The following STAM variants were observed in gnomAD, a reference collection of about 807,000 sequenced individuals.
The protein encoded by STAM is signal transducing adaptor molecule.
A neutral mutation model predicts 63.4 loss-of-function variants in STAM; 16 were observed. The ratio of observed to expected loss-of-function variants is 0.25; its 90% CI spans 0.17 to 0.38. STAM has a LOEUF of 0.38. Among genes scored for constraint, STAM ranks in the 10% least tolerant of loss-of-function variants. The pLI is 1.00. For missense variants in STAM, 636 were observed against 657.1 expected (o/e 0.97, Z 0.35); for synonymous variants, 238 against 223.9 (o/e 1.06, Z -0.56).
At chr10:17,682,890 C>T (rs1554825554) in intron 2 of STAM, among the ~76,000 whole-genome samples, 1 of 152,026 alleles carries the variant, frequency 6.6e-6, no homozygotes, top group East Asian at 1.9e-4. Flanking sequence ...ATCGATGTTT[C>T]CTTTATATAT....
intron 4 of STAM, among the ~76,000 whole-genome samples, chr10:17,687,619 G>A (rs1554826255): frequency 6.6e-6 from 1 of 152,180 alleles, no homozygotes; most frequent in African/African-American, 2.4e-5. Context: ...AAGCATCATG[G>A]AAAAAATGCA....
chr10:17,658,249 T>C (rs913303751), intron 1 of STAM, among the ~76,000 whole-genome samples: 5 of 151,576 alleles, frequency 3.3e-5, no homozygotes, highest in African/African-American at 4.9e-5. Flanking sequence ...TACTTTGGGA[T>C]TTTCCAGCTA....
chr10:17,650,384 A>C (rs554542578), intron 1 of STAM, among the ~76,000 whole-genome samples: 1 of 152,242 alleles, frequency 6.6e-6, no homozygotes, highest in Non-Finnish European at 1.5e-5. Context: ...ACTCTTTACC[A>C]GAGTTGAATA....
At chr10:17,648,446 C>T (rs782792998) in intron 1 of STAM, among the ~76,000 whole-genome samples, 1 of 152,212 alleles carries the variant, frequency 6.6e-6, no homozygotes, top group Non-Finnish European at 1.5e-5. Flanking sequence ...GCAACCGGCT[C>T]GGGTCCCCTT....
intron 1 of STAM, among the ~76,000 whole-genome samples, chr10:17,646,084 C>T (rs1287648978): frequency 2.6e-5 from 4 of 152,208 alleles, no homozygotes; most frequent in African/African-American, 7.2e-5. Flanking sequence ...TTTTGTCCTA[C>T]GCTTATGCTT....
chr10:17,678,546 G>A (rs782304037), intron 2 of STAM, among the ~76,000 whole-genome samples: 48 of 152,136 alleles, frequency 3.2e-4, no homozygotes, highest in Non-Finnish European at 2.5e-4. Flanking sequence ...GAGTCACCAC[G>A]CCCAACCTCA....
At chr10:17,663,600 TTTAATAGTTA>T (rs1202867381) in intron 2 of STAM, among the ~76,000 whole-genome samples, 11 of 152,128 alleles carry the variant, frequency 7.2e-5, no homozygotes, top group African/African-American at 2.7e-4. Context: ...TTTTGACTCC[TTTAATAGTTA>T]TTGCTCTCTG....
intron 1 of STAM, among the ~76,000 whole-genome samples, chr10:17,651,464 G>A (rs1212851509): frequency 1.3e-5 from 2 of 152,208 alleles, no homozygotes; most frequent in Non-Finnish European, 2.9e-5. Context: ...ACATAGGAGA[G>A]AAATGTGAAA....
At chr10:17,693,906 C>T (rs886999809) in intron 6 of STAM, among the ~76,000 whole-genome samples, 3 of 152,116 alleles carry the variant, frequency 2.0e-5, no homozygotes, top group African/African-American at 4.8e-5. Context: ...TTTCCTTTTC[C>T]ATTGGCAGTG....
chr10:17,646,652 G>A (rs1047455068), intron 1 of STAM, among the ~76,000 whole-genome samples: 3 of 152,110 alleles, frequency 2.0e-5, no homozygotes, highest in Middle Eastern at 3.2e-3. Context: ...TCAGGTTTTG[G>A]TATTGGACCA....
intron 1 of STAM, among the ~76,000 whole-genome samples, chr10:17,647,301 A>G (rs1397171855): frequency 1.3e-5 from 2 of 152,190 alleles, no homozygotes; most frequent in East Asian, 1.9e-4. Flanking sequence ...GCCAAATCCA[A>G]TGGTCACTTT....
chr10:17,675,040 T>TA (rs1834789871), intron 2 of STAM, among the ~76,000 whole-genome samples: 1 of 152,246 alleles, frequency 6.6e-6, no homozygotes, highest in Non-Finnish European at 1.5e-5. Flanking sequence ...TTGAAAGATG[T>TA]ACCCATTTGT....
rs782009879 is a variant in STAM at position 17,716,574 on chromosome 10, T to C, written c.*1794T>C. On this transcript the variant is annotated 3_prime_UTR_variant, in exon 14 of 14. Coordinates refer to ENST00000377524, the MANE Select transcript of STAM (RefSeq NM_003473.4). ...TTTGAGTATTATGGTTTAACTGATA[T>C]ACTTTTCTGCAATTTTTCTTTGTCT... Among the ~76,000 whole-genome samples the C allele has an allele frequency of 1.7e-4, 26 of 152,340 alleles. No homozygotes were observed. Among genetic ancestry groups the C allele is most frequent in the Non-Finnish European group, 3.2e-4 (22 of 68,024 alleles).
chr10:17,656,782 AAG>A (rs1377813378), intron 1 of STAM, among the ~76,000 whole-genome samples: 1 of 152,198 alleles, frequency 6.6e-6, no homozygotes, highest in Non-Finnish European at 1.5e-5. Flanking sequence ...AAGGCAGAAA[AAG>A]AGATGAAGCA....
At chr10:17,677,951 G>A (rs2246058) in intron 2 of STAM, among the ~76,000 whole-genome samples, 11,535 of 149,156 alleles carry the variant, frequency 0.077, 519 homozygotes, top group Admixed American at 0.12. Context: ...CAAATTGCCC[G>A]ATAAAAGTTT....
Position 17,662,063 on chromosome 10 carries a change from G to A in STAM, c.125+1515G>A, listed in dbSNP as rs199678940. Among the ~76,000 whole-genome samples the A allele has an allele frequency of 7.9e-5, 12 of 152,128 alleles. No homozygotes were observed. In the East Asian group the frequency reaches 1.9e-3, roughly 24 times the overall value. On this transcript the variant is annotated intron_variant, in intron 2 of 13. Coordinates refer to ENST00000377524, the MANE Select transcript of STAM (RefSeq NM_003473.4). Reference sequence around the variant, plus strand: ...CGTTCCTTACCTTGCCTAGGCTAGCGAATTAACCCACTGGCATTTTTTTTC... The same window carrying A: ...CGTTCCTTACCTTGCCTAGGCTAGCAAATTAACCCACTGGCATTTTTTTTC...
At chr10:17,707,332 C>A (rs999173357) in intron 12 of STAM, among the ~76,000 whole-genome samples, 1 of 152,046 alleles carries the variant, frequency 6.6e-6, no homozygotes, top group African/African-American at 2.4e-5. Context: ...ATGGCATGAA[C>A]CCGGGAGGCG....
At chr10:17,673,435 C>T (rs1210827124) in intron 2 of STAM, among the ~76,000 whole-genome samples, 5 of 152,138 alleles carry the variant, frequency 3.3e-5, no homozygotes, top group Admixed American at 6.5e-5. Context: ...GCATCAGCCA[C>T]GTTGAAGGCA....
chr10:17,684,866 T>C lies in STAM; in HGVS notation c.236T>C (p.Ile79Thr). ...GCATGTGTATCAAACTGTGGCAAAATTTTTCATTTAGAAGTATGTTCAAGA... is the reference window on the plus strand; with the variant it reads ...GCATGTGTATCAAACTGTGGCAAAACTTTTCATTTAGAAGTATGTTCAAGA... ...LGACVSNCGK[I>T]FHLEVCSRDF... Residue 79 changes from isoleucine to threonine, a missense_variant, in exon 4 of 14, where the codon ATT (isoleucine) becomes ACT (threonine). Ile to Thr is a moderately conservative substitution (Grantham distance 89). Coordinates refer to ENST00000377524, the MANE Select transcript of STAM (RefSeq NM_003473.4). 1 of 1,614,072 alleles carries C rather than the reference T, an allele frequency of 6.2e-7. No homozygotes were observed. The highest frequency in any genetic ancestry group is 8.5e-7 in the Non-Finnish European group (1 of 1,179,968).
Sources: allele counts gnomAD v4.1 joint callset (sites outside exome capture counted in the v4.1 genomes callset), GRCh38; gene constraint gnomAD v4.1.1; transcripts MANE v1.5; gene names NCBI Gene and HGNC (gene_info 2026-07-23, HGNC 2026-07-21).